The following THSD7B variants were observed in gnomAD, a reference collection of about 807,000 sequenced individuals.
THSD7B encodes thrombospondin type 1 domain containing 7B, also known as thrombospondin type-1 domain-containing protein 7B.
A neutral mutation model predicts 213.6 loss-of-function variants in THSD7B; 138 were observed. The observed-to-expected ratio is 0.65, with a 90% confidence interval of 0.56 to 0.74. The LOEUF is 0.74. Ranked by LOEUF, THSD7B falls within the 30% of genes least tolerant of loss-of-function variation. The pLI, the probability that THSD7B is intolerant of heterozygous loss-of-function variation, is 0.00. For synonymous variants in THSD7B, 742 were observed against 687.0 expected (o/e 1.08, Z -1.25); for missense variants, 1,931 against 1,991.5 (o/e 0.97, Z 0.58).
chr2:137,211,333 C>CAG (rs1681098300), intron 7 of THSD7B, among the ~76,000 whole-genome samples: 1 of 43,644 alleles, frequency 2.3e-5, no homozygotes, highest in African/African-American at 5.9e-5. Flanking sequence ...ATCCTTCCTA[C>CAG]ACACACACAC....
chr2:137,269,864 T>G (rs1055145392), intron 10 of THSD7B, among the ~76,000 whole-genome samples: 2 of 152,164 alleles, frequency 1.3e-5, no homozygotes, highest in African/African-American at 4.8e-5. Context: ...ATTTACTCTT[T>G]CAAATAGCAA....
At chr2:136,964,589 C>CATTCCTAT (rs1685281883) in intron 2 of THSD7B, among the ~76,000 whole-genome samples, 3 of 152,146 alleles carry the variant, frequency 2.0e-5, no homozygotes, top group African/African-American at 7.2e-5. Flanking sequence ...CCTACTTAAA[C>CATTCCTAT]GTTCCTATGC....
chr2:136,883,302 G>T (rs1017506865), intron 2 of THSD7B, among the ~76,000 whole-genome samples: 2 of 149,710 alleles, frequency 1.3e-5, no homozygotes, highest in African/African-American at 4.9e-5. Flanking sequence ...AAATAATTTT[G>T]CAAAAATGAA....
At chr2:137,183,347 G>T (rs1680490312) in intron 7 of THSD7B, among the ~76,000 whole-genome samples, 1 of 151,956 alleles carries the variant, frequency 6.6e-6, no homozygotes, top group Non-Finnish European at 1.5e-5. Context: ...TTGTTTTGAG[G>T]GTTAAAAAAG....
intron 15 of THSD7B, among the ~76,000 whole-genome samples, chr2:137,484,155 A>T (rs1688372197): frequency 3.5e-5 from 5 of 143,014 alleles, no homozygotes; most frequent in African/African-American, 1.1e-4. Flanking sequence ...TATCTCCTAA[A>T]GCTATCCCTC....
At chr2:136,922,972 G>A (rs1373158983) in intron 2 of THSD7B, among the ~76,000 whole-genome samples, 1 of 152,104 alleles carries the variant, frequency 6.6e-6, no homozygotes, top group Non-Finnish European at 1.5e-5. Flanking sequence ...GTGGCAAAAG[G>A]TATCATTAAT....
At chr2:136,857,945 T>C (rs192199095) in intron 1 of THSD7B, among the ~76,000 whole-genome samples, 391 of 152,366 alleles carry the variant, frequency 2.6e-3, no homozygotes, top group African/African-American at 9.1e-3. Flanking sequence ...CTCTGTCTAC[T>C]ACCCACTGTA....
At chr2:137,316,776 GAA>G (rs1229992718) in intron 12 of THSD7B, among the ~76,000 whole-genome samples, 2 of 144,414 alleles carry the variant, frequency 1.4e-5, no homozygotes, top group Admixed American at 1.4e-4. Flanking sequence ...AAAAGAAAAA[GAA>G]AAAAAAAGAA....
At chr2:137,066,547 G>A (rs1687385637) in intron 3 of THSD7B, among the ~76,000 whole-genome samples, 1 of 152,106 alleles carries the variant, frequency 6.6e-6, no homozygotes, top group South Asian at 2.1e-4. Context: ...GTGAACAGAA[G>A]TCTGATGTAA....
intron 2 of THSD7B, among the ~76,000 whole-genome samples, chr2:136,984,355 G>A (rs1307226346): frequency 6.6e-6 from 1 of 152,194 alleles, no homozygotes; most frequent in Non-Finnish European, 1.5e-5. Context: ...CTCCATGAAT[G>A]GTTTAGCACC....
chr2:136,837,394 G>C lies in THSD7B; in HGVS notation c.-35-44750G>C, dbSNP rs1426786284. ...CCATCTCAGGGCCTCTGTTCCCTCT[G>C]CTTATAATTCTCCTCACCCAGATAC... On this transcript the variant is annotated intron_variant, in intron 1 of 27. Transcript: ENST00000409968. 4.6e-5 allele frequency among the ~76,000 whole-genome samples: 7 copies of C among 152,164 alleles called. No individual in the cohort carries two copies. The East Asian group carries it at 1.4e-3, about 29-fold the overall frequency.
At chr2:137,406,396 G>C (rs1686517680) in intron 13 of THSD7B, among the ~76,000 whole-genome samples, 1 of 152,108 alleles carries the variant, frequency 6.6e-6, no homozygotes, top group Non-Finnish European at 1.5e-5. Context: ...GGCAATTTTT[G>C]CCTGCAGTAT....
intron 20 of THSD7B, among the ~76,000 whole-genome samples, chr2:137,632,614 C>A (rs527320614): frequency 6.6e-6 from 1 of 152,072 alleles, no homozygotes; most frequent in Non-Finnish European, 1.5e-5. Context: ...TGGAGGTAAG[C>A]GGTCAGAATG....
chr2:137,552,583 T>C (rs1680871373), intron 15 of THSD7B, among the ~76,000 whole-genome samples: 1 of 152,196 alleles, frequency 6.6e-6, no homozygotes, highest in Non-Finnish European at 1.5e-5. Flanking sequence ...CTACACTGTA[T>C]TATTGTGGTA....
chr2:137,166,916 G>C (rs1680146268), intron 6 of THSD7B, among the ~76,000 whole-genome samples: 1 of 152,098 alleles, frequency 6.6e-6, no homozygotes, highest in African/African-American at 2.4e-5. Context: ...GAGTTCTCAT[G>C]CTGACTTCAC....
At chr2:136,978,508 A>G (rs1007260588) in intron 2 of THSD7B, among the ~76,000 whole-genome samples, 3 of 152,072 alleles carry the variant, frequency 2.0e-5, no homozygotes, top group African/African-American at 7.2e-5. Context: ...GATAGTTAGC[A>G]CTTCTTGTTG....
At chr2:136,866,111 T>C (rs1683327802) in intron 1 of THSD7B, among the ~76,000 whole-genome samples, 1 of 152,246 alleles carries the variant, frequency 6.6e-6, no homozygotes, top group South Asian at 2.1e-4. Context: ...GGTGTGATTG[T>C]CGCTTTGAGC....
intron 2 of THSD7B, among the ~76,000 whole-genome samples, chr2:137,007,571 T>C (rs1457812401): frequency 6.6e-6 from 1 of 152,112 alleles, no homozygotes; most frequent in African/African-American, 2.4e-5. Flanking sequence ...TTTGAATTGG[T>C]GAGTGATAAA....
At chr2:137,377,126 A>G (rs1685674824) in intron 12 of THSD7B, among the ~76,000 whole-genome samples, 1 of 152,168 alleles carries the variant, frequency 6.6e-6, no homozygotes, top group South Asian at 2.1e-4. Context: ...TTTTTTCCGT[A>G]TGTGGTGGAA....
Sources: gnomAD v4.1 joint callset for allele counts (sites outside exome capture counted in the v4.1 genomes callset) on GRCh38, gnomAD v4.1.1 for gene constraint, MANE v1.5 for transcripts, NCBI Gene and HGNC (gene_info 2026-07-23, HGNC 2026-07-21) for gene names.